The following MEGF9 variants were observed in gnomAD, a reference collection of about 807,000 sequenced individuals.
The protein encoded by MEGF9 is multiple EGF like domains 9.
In MEGF9, 6 loss-of-function variants were observed where a neutral mutation model predicts 46.8. That is an observed-to-expected ratio of 0.13 (90% confidence interval 0.07 to 0.25). MEGF9 has a LOEUF of 0.25. MEGF9 is among the 10% of genes least tolerant of loss of function. MEGF9 has a pLI of 1.00. For synonymous variants in MEGF9, 302 were observed against 330.7 expected, an observed-to-expected ratio of 0.91 and a Z score of 0.94; for missense variants, 683 against 792.4, an observed-to-expected ratio of 0.86 and a Z score of 1.66.
chr9:120,701,832 CAGG>C (rs1215521167), intron 1 of MEGF9, among the ~76,000 whole-genome samples: 3 of 152,120 alleles, frequency 2.0e-5, no homozygotes, highest in Non-Finnish European at 4.4e-5. Flanking sequence ...ATCACGAGGT[CAGG>C]AGATCGAGAC....
At chr9:120,664,421 T>C (rs2132324951) in intron 1 of MEGF9, among the ~76,000 whole-genome samples, 1 of 152,320 alleles carries the variant, frequency 6.6e-6, no homozygotes, top group Middle Eastern at 3.4e-3. Context: ...TTTGGAACAA[T>C]TGTGTGTTAA....
chr9:120,690,885 T>C (rs1171146459), intron 1 of MEGF9, among the ~76,000 whole-genome samples: 4 of 151,778 alleles, frequency 2.6e-5, no homozygotes, highest in Non-Finnish European at 5.9e-5. Context: ...GCCCTTGTTA[T>C]AAAAATAATG....
At chr9:120,695,768 CAT>C (rs1218623041) in intron 1 of MEGF9, among the ~76,000 whole-genome samples, 2 of 152,084 alleles carry the variant, frequency 1.3e-5, no homozygotes, top group African/African-American at 4.8e-5. Flanking sequence ...AGCCTAGTAT[CAT>C]AGTATAATTT....
chr9:120,608,360 T>C (rs1219490516), intron 4 of MEGF9, among the ~76,000 whole-genome samples: 1 of 152,218 alleles, frequency 6.6e-6, no homozygotes, highest in Non-Finnish European at 1.5e-5. Context: ...ATAAATAGGC[T>C]TACATAAGGA....
intron 2 of MEGF9, among the ~76,000 whole-genome samples, chr9:120,656,780 G>C (rs1351975182): frequency 6.6e-6 from 1 of 151,368 alleles, no homozygotes; most frequent in Non-Finnish European, 1.5e-5. Context: ...CAAATAAAAA[G>C]ACAAACACTT....
At chr9:120,684,891 T>G (rs1482983366) in intron 1 of MEGF9, among the ~76,000 whole-genome samples, 1 of 151,912 alleles carries the variant, frequency 6.6e-6, no homozygotes, top group Non-Finnish European at 1.5e-5. Context: ...TGGAGTGCAG[T>G]GGCACGATCT....
rs1404089346 is a variant in MEGF9 at position 120,714,346 on chromosome 9, C to T, written c.13G>A (p.Ala5Thr). The T allele has an allele frequency of 7.4e-7, 1 of 1,343,344 alleles. No homozygotes were observed. The highest frequency in any genetic ancestry group is 9.6e-7 in the Non-Finnish European group (1 of 1,045,616). 83.2% of individuals were successfully genotyped at this position (1,343,344 alleles called of 1,614,324 possible). The change falls in exon 1 of 6, where the codon GCC becomes ACC. Residue 5 changes from alanine to threonine, a missense_variant. Coordinates refer to ENST00000373930, the MANE Select transcript of MEGF9 (RefSeq NM_001080497.3). MNGG[A>T]ERAMRSLPSL... ...GGCAGGCTCCTCATGGCGCGCTCGG[C>T]TCCGCCATTCATTCATTCAGCCAGT...
chr9:120,667,854 C>T (rs550720188), intron 1 of MEGF9, among the ~76,000 whole-genome samples: 127 of 152,256 alleles, frequency 8.3e-4, no homozygotes, highest in African/African-American at 2.9e-3. Context: ...GGCAAAACCC[C>T]GTCTCTACTA....
chr9:120,671,092 C>G (rs1587990811), intron 1 of MEGF9, among the ~76,000 whole-genome samples: 1 of 152,190 alleles, frequency 6.6e-6, no homozygotes, highest in Admixed American at 6.5e-5. Flanking sequence ...TTCTGCTTAA[C>G]TATTTTGCAG....
intron 3 of MEGF9, among the ~76,000 whole-genome samples, chr9:120,614,365 G>C (rs2043462141): frequency 6.6e-6 from 1 of 152,038 alleles, no homozygotes; most frequent in Non-Finnish European, 1.5e-5. Context: ...ACCTTCAAAA[G>C]TTTATGTGAA....
chr9:120,654,284 A>G (rs2043666570), intron 2 of MEGF9, among the ~76,000 whole-genome samples: 1 of 152,226 alleles, frequency 6.6e-6, no homozygotes, highest in Non-Finnish European at 1.5e-5. Context: ...GAAAACTACT[A>G]AGGATAACAG....
intron 2 of MEGF9, among the ~76,000 whole-genome samples, chr9:120,641,097 C>A (rs1175741461): frequency 2.0e-5 from 3 of 152,120 alleles, no homozygotes; most frequent in Non-Finnish European, 2.9e-5. Flanking sequence ...TTTTCTTTAT[C>A]CATTCTACAA....
At position 120,647,539 on chromosome 9, in the gene MEGF9, C is replaced by T. The variant is rs894940802; in HGVS notation, c.803+11835G>A. 3.3e-5 allele frequency among the ~76,000 whole-genome samples: 5 copies of T among 151,882 alleles called. No homozygotes were observed. In the East Asian group the frequency reaches 7.7e-4, roughly 23 times the overall value. On this transcript the variant is annotated intron_variant, in intron 2 of 5. Transcript: ENST00000373930. ...GCTACCTTTAAAAAGTCTACTTTCA[C>T]GGAAAAAAATATTCAAGTGTACCAT...
At chr9:120,675,434 T>A (rs1046198960) in intron 1 of MEGF9, among the ~76,000 whole-genome samples, 2 of 151,748 alleles carry the variant, frequency 1.3e-5, no homozygotes, top group Non-Finnish European at 2.9e-5. Flanking sequence ...ATATAAAAAA[T>A]TTTTAAAAAT....
At chr9:120,671,169 T>C (rs996907719) in intron 1 of MEGF9, among the ~76,000 whole-genome samples, 1 of 152,180 alleles carries the variant, frequency 6.6e-6, no homozygotes, top group Non-Finnish European at 1.5e-5. Flanking sequence ...ATTGGATAAA[T>C]CCATGAGCAT....
intron 2 of MEGF9, among the ~76,000 whole-genome samples, chr9:120,629,199 C>G (rs2043540137): frequency 6.6e-6 from 1 of 152,104 alleles, no homozygotes; most frequent in Admixed American, 6.5e-5. Context: ...AGGCTGGTCT[C>G]AAACTCCTGG....
At chr9:120,706,670 A>G (rs890884557) in intron 1 of MEGF9, among the ~76,000 whole-genome samples, 4 of 152,144 alleles carry the variant, frequency 2.6e-5, no homozygotes, top group African/African-American at 9.7e-5. Flanking sequence ...TCCCAACTCT[A>G]CTAAAAATAC....
At chr9:120,678,706 T>G (rs920903584) in intron 1 of MEGF9, among the ~76,000 whole-genome samples, 5 of 152,226 alleles carry the variant, frequency 3.3e-5, no homozygotes, top group African/African-American at 1.2e-4. Flanking sequence ...ACTCCTGGCC[T>G]GAAGTGATCC....
At chr9:120,708,751 G>T (rs1435457943) in intron 1 of MEGF9, among the ~76,000 whole-genome samples, 1 of 152,164 alleles carries the variant, frequency 6.6e-6, no homozygotes, top group Non-Finnish European at 1.5e-5. Context: ...AATAAACTGG[G>T]TGGAGTACAC....
Sources: allele counts gnomAD v4.1 joint callset (sites outside exome capture counted in the v4.1 genomes callset), GRCh38; gene constraint gnomAD v4.1.1; transcripts MANE v1.5; gene names NCBI Gene and HGNC (gene_info 2026-07-23, HGNC 2026-07-21).